The following MMP21 variants were observed in gnomAD, a reference collection of about 807,000 sequenced individuals.
The protein encoded by MMP21 is matrix metallopeptidase 21.
Under a neutral mutation model 47.8 loss-of-function variants are expected in MMP21, and 40 were observed. The observed-to-expected ratio is 0.84, with a 90% CI of 0.65 to 1.09. The LOEUF (loss-of-function observed/expected upper bound fraction) is 1.09, where lower values mean the gene tolerates loss of function less well. Among genes scored for constraint, MMP21 ranks in the 50% least tolerant of loss-of-function variants. The pLI, the probability that MMP21 is intolerant of heterozygous loss-of-function variation, is 0.00. For synonymous variants in MMP21, 341 were observed against 318.0 expected (o/e 1.07, Z -0.77); for missense variants, 747 against 775.3 (o/e 0.96, Z 0.43).
At chr10:125,769,227 A>G (rs1850418966) in intron 5 of MMP21, among the ~76,000 whole-genome samples, 2 of 152,332 alleles carry the variant, frequency 1.3e-5, no homozygotes, top group Middle Eastern at 3.4e-3. Flanking sequence ...GAGCAGCGGC[A>G]GTAAGAGTCC....
Position 125,774,218 on chromosome 10 carries a change from G to A in MMP21, c.310C>T (p.Leu104=). Residue 104 remains leucine, a synonymous_variant, in exon 2 of 7, where the codon CTG becomes TTG. Transcript: ENST00000368808. ...RANALPASGE[L]DAATLAAMNR... is the part of the protein sequence containing the mutation. ...ATGGCCGCTAGGGTGGCCGCGTCCA[G>A]CTCCCCGCTGGCCGGCAGCGCGTTC... is the stretch of plus-strand genomic sequence containing the variant. 7.2e-7 allele frequency: 1 copy of A among 1,382,948 alleles called. No individual in the cohort carries two copies. Among genetic ancestry groups the A allele is most frequent in the Non-Finnish European group, 9.3e-7 (1 of 1,071,124 alleles). The allele number at this position is 1,382,948 out of a possible 1,614,324, so 85.7% of individuals were successfully genotyped here.
intron 1 of MMP21, among the ~76,000 whole-genome samples, chr10:125,774,635 CG>C (rs964066087): frequency 3.3e-5 from 5 of 152,174 alleles, no homozygotes; most frequent in African/African-American, 1.2e-4. Flanking sequence ...TTCCTGAGTG[CG>C]GGCCCTGGAT....
At position 125,773,821 on chromosome 10, in the gene MMP21, G is replaced by C. The variant is rs28381286; in HGVS notation, c.697+10C>G. 5,878 of 1,506,440 alleles carry C rather than the reference G, an allele frequency of 3.9e-3. 13 individuals are homozygous for C. The highest frequency in any genetic ancestry group is 7.3e-3 in the Admixed American group (361 of 49,144). 93.3% of individuals were successfully genotyped at this position (1,506,440 alleles called of 1,614,324 possible). ...GGGTCGGGCAGGCAGGGAGCCCGGG[G>C]TGCTCTTACCTCTCCCAAAGCCCAG... On this transcript the variant is annotated intron_variant, in intron 2 of 6. Coordinates refer to ENST00000368808, the MANE Select transcript of MMP21 (RefSeq NM_147191.1). The surrounding 1 kb of genome is among the most constrained non-coding windows in gnomAD (Gnocchi z 4.8).
rs1181624679 is a variant in MMP21 at position 125,774,051 on chromosome 10, G to A, written c.477C>T (p.Pro159=). The A allele has an allele frequency of 1.4e-6, 2 of 1,463,292 alleles. No individual in the cohort carries two copies. The highest frequency in any genetic ancestry group is 1.8e-6 in the Non-Finnish European group (2 of 1,111,194). 90.6% of individuals were successfully genotyped at this position (1,463,292 alleles called of 1,614,324 possible). A position where few individuals can be genotyped will look rare whatever the true frequency, so the allele number is the denominator to read the frequency against. ...CAGCTCCGCCGTCGGGGTAGCCCCGGGGCTGCCAACCCCGCCGGGACAAGG... is the reference window on the plus strand; with the variant it reads ...CAGCTCCGCCGTCGGGGTAGCCCCGAGGCTGCCAACCCCGCCGGGACAAGG... The part of the protein sequence containing the change: ...PLSLSRRGWQ[P]RGYPDGGAAQ... Residue 159 remains proline (P), a synonymous_variant, in exon 2 of 7, where the codon CCC becomes CCT. Coordinates refer to ENST00000368808, the MANE Select transcript of MMP21 (RefSeq NM_147191.1).
chr10:125,770,600 A>G lies in MMP21; in HGVS notation c.980-9T>C, dbSNP rs758535896. 3 of 1,611,032 alleles carry G rather than the reference A, an allele frequency of 1.9e-6. No individual in the cohort carries two copies. The highest frequency in any genetic ancestry group is 1.3e-5 in the African/African-American group (1 of 74,838). On this transcript the variant is annotated splice_polypyrimidine_tract_variant and intron_variant, in intron 4 of 6. Transcript: ENST00000368808. ...TGATCCCTCACAGGAGCCTTAAAAA[A>G]ACAAACAAAAAACAGCCACTTGTCA... is the stretch of plus-strand genomic sequence containing the variant.
rs955264494 is a variant in MMP21 at position 125,773,771 on chromosome 10, G to C, written c.697+60C>G. On this transcript the variant is annotated intron_variant, in intron 2 of 6. Transcript: ENST00000368808. This position sits in a 1 kb window ranked among gnomAD's most constrained non-coding sequence, Gnocchi z 4.8. Reference sequence around the variant, plus strand: ...TCTGCAGGTGGCCGAGGTGGGGGTAGGTGCGCCGGGGTCCCCGAGGGGCTG... The same window carrying C: ...TCTGCAGGTGGCCGAGGTGGGGGTACGTGCGCCGGGGTCCCCGAGGGGCTG... The C allele has an allele frequency of 1.4e-6, 2 of 1,441,468 alleles. No individual in the cohort carries two copies. Among genetic ancestry groups the C allele is most frequent in the African/African-American group, 1.5e-5 (1 of 67,620 alleles). The allele number at this position is 1,441,468 out of a possible 1,614,324, so 89.3% of individuals were successfully genotyped here. A position where few individuals can be genotyped will look rare whatever the true frequency, so the allele number is the denominator to read the frequency against.
Position 125,773,723 on chromosome 10 carries a change from G to A in MMP21, c.697+108C>T. On this transcript the variant is annotated intron_variant, in intron 2 of 6. Coordinates refer to ENST00000368808, the MANE Select transcript of MMP21 (RefSeq NM_147191.1). The surrounding 1 kb of genome is among the most constrained non-coding windows in gnomAD (Gnocchi z 4.8). ...CCGCTGACAGGTGCCCCCGGGACAGGCCGGGAGGGCTTAGCCCCCCATTCT... is the reference window on the plus strand; with the variant it reads ...CCGCTGACAGGTGCCCCCGGGACAGACCGGGAGGGCTTAGCCCCCCATTCT... 1.5e-6 allele frequency: 2 copies of A among 1,369,454 alleles called. No homozygotes were observed. The highest frequency in any genetic ancestry group is 1.9e-6 in the Non-Finnish European group (2 of 1,055,764). 84.8% of individuals were successfully genotyped at this position (1,369,454 alleles called of 1,614,324 possible).
In MMP21 at chr10:125,770,544, C is replaced by G; in HGVS notation, c.1027G>C (p.Glu343Gln). ...FDTAFDWIRK[E>Q]RNQYGEVMVR... Reference sequence around the variant, plus strand: ...ATCACCTCTCCATATTGGTTTCTCTCTTTGCGAATCCAGTCAAACGCAGTA... The same window carrying G: ...ATCACCTCTCCATATTGGTTTCTCTGTTTGCGAATCCAGTCAAACGCAGTA... The change falls in exon 5 of 7, where the codon GAG becomes CAG. Residue 343 changes from glutamate to glutamine, a missense_variant. Physicochemically the swap from Glu to Gln is conservative, Grantham distance 29. Coordinates refer to ENST00000368808, the MANE Select transcript of MMP21 (RefSeq NM_147191.1). 1.2e-6 allele frequency: 2 copies of G among 1,614,134 alleles called. No homozygotes were observed. The highest frequency in any genetic ancestry group is 2.2e-5 in the East Asian group (1 of 44,878).
chr10:125,767,639 T>C lies in MMP21; in HGVS notation c.1303A>G (p.Ser435Gly). ...CCTTCTGAAATCAATTTGGGATAGC[T>C]TTTTCCTTGTTCATCTTCTGTGAGG... is the stretch of plus-strand genomic sequence containing the variant. The part of the protein sequence containing the change: ...QALTEDEQGK[S>G]YPKLISEGFP... The change falls in exon 6 of 7, where the codon AGC (serine) becomes GGC (glycine). Residue 435 changes from serine (S) to glycine (G), a missense_variant. Transcript: ENST00000368808. 3 of 1,614,136 alleles carry C rather than the reference T, an allele frequency of 1.9e-6. No individual in the cohort carries two copies. Among genetic ancestry groups the C allele is most frequent in the Non-Finnish European group, 2.5e-6 (3 of 1,179,982 alleles).
rs1432689875 is a variant in MMP21 at position 125,774,260 on chromosome 10, G to C, written c.268C>G (p.Arg90Gly). 1 of 1,420,222 alleles carries C rather than the reference G, an allele frequency of 7.0e-7. No homozygotes were observed. The highest frequency in any genetic ancestry group is 9.2e-7 in the Non-Finnish European group (1 of 1,092,130). The allele number at this position is 1,420,222 out of a possible 1,614,324, so 88.0% of individuals were successfully genotyped here. Residue 90 changes from arginine to glycine, a missense_variant, in exon 2 of 7, where the codon CGC (arginine) becomes GGC (glycine). Coordinates refer to ENST00000368808, the MANE Select transcript of MMP21 (RefSeq NM_147191.1). ...PKGAALAEAV[R>G]RFQRANALPA... is the part of the protein sequence containing the mutation. ...AGCGCGTTCGCCCGCTGGAACCTGC[G>C]CACCGCCTCGGCCAGGGCGGCGCCC...
chr10:125,770,586 A>G lies in MMP21; in HGVS notation c.985T>C (p.Cys329Arg), dbSNP rs2133782156. 1.2e-6 allele frequency: 2 copies of G among 1,612,382 alleles called. No homozygotes were observed. Among genetic ancestry groups the G allele is most frequent in the East Asian group, 2.2e-5 (1 of 44,870 alleles). The change falls in exon 5 of 7, where the codon TGT becomes CGT. Residue 329 changes from cysteine (C) to arginine (R), a missense_variant. Physicochemically the swap from Cys to Arg is radical, Grantham distance 180. Coordinates refer to ENST00000368808, the MANE Select transcript of MMP21 (RefSeq NM_147191.1). ...RKAIQKLYGSCEGSFDTAFDW... is the reference protein window; with the variant it reads ...RKAIQKLYGSREGSFDTAFDW... ...AACGCAGTATCAAATGATCCCTCAC[A>G]GGAGCCTTAAAAAAACAAACAAAAA...
rs749441754 is a variant in MMP21 at position 125,770,390 on chromosome 10, A to G, written c.1181T>C (p.Ile394Thr). The change falls in exon 5 of 7, where the codon ATA becomes ACA. Residue 394 changes from isoleucine (I) to threonine (T), a missense_variant. By Grantham distance (89) the Ile-to-Thr change is moderately conservative. Transcript: ENST00000368808. ...TGWPGIPTHN[I>T]DAFVHIWTWK... Reference sequence around the variant, plus strand: ...TGTCCAGATGTGAACAAAGGCATCTATGTTGTGTGTTGGGATTCCAGGCCA... The same window carrying G: ...TGTCCAGATGTGAACAAAGGCATCTGTGTTGTGTGTTGGGATTCCAGGCCA... 6 of 1,614,120 alleles carry G rather than the reference A, an allele frequency of 3.7e-6. 1 individual carries two copies. The South Asian group carries it at 4.4e-5, about 12-fold the overall frequency.
At chr10:125,775,410 T>C (rs1850505611) in intron 1 of MMP21, among the ~76,000 whole-genome samples, 1 of 152,216 alleles carries the variant, frequency 6.6e-6, no homozygotes, top group South Asian at 2.1e-4. Context: ...TTTGAGTCTG[T>C]TGTCTGCGCA....
intron 4 of MMP21, among the ~76,000 whole-genome samples, chr10:125,771,935 G>A (rs1270104511): frequency 6.6e-6 from 1 of 152,008 alleles, no homozygotes; most frequent in African/African-American, 2.4e-5. Flanking sequence ...ACGGGTTGGG[G>A]GCCCGCTTGT....
chr10:125,767,664 G>A lies in MMP21; in HGVS notation c.1278C>T (p.Ala426=), dbSNP rs765471777. Residue 426 remains alanine (A), a synonymous_variant, in exon 6 of 7, where the codon GCC becomes GCT. Coordinates refer to ENST00000368808, the MANE Select transcript of MMP21 (RefSeq NM_147191.1). The stretch of plus-strand genomic sequence containing the variant: ...TTTTTCCTTGTTCATCTTCTGTGAG[G>A]GCCTGATCCTTGTCACTGTCATATC... The part of the protein sequence containing the change: ...YWRYDSDKDQ[A]LTEDEQGKSY... 91 of 1,613,912 alleles carry A rather than the reference G, an allele frequency of 5.6e-5. No homozygotes were observed. The highest frequency in any genetic ancestry group is 2.1e-4 in the South Asian group (19 of 91,076).
chr10:125,769,213 T>C (rs981371828), intron 5 of MMP21, among the ~76,000 whole-genome samples: 1 of 152,140 alleles, frequency 6.6e-6, no homozygotes. Flanking sequence ...CGGGTGTGAA[T>C]AAGGAGCAGC....
chr10:125,770,319 A>C lies in MMP21; in HGVS notation c.1237+15T>G, dbSNP rs1210025773. 4 of 1,613,570 alleles carry C rather than the reference A, an allele frequency of 2.5e-6. No individual in the cohort carries two copies. Among genetic ancestry groups the C allele is most frequent in the Non-Finnish European group, 1.7e-6 (2 of 1,179,658 alleles). ...TTTAATGAGAGAAATAGAACCATCC[A>C]TGAAGAATCTGTACCTTGAAAAAAA... On this transcript the variant is annotated intron_variant, in intron 5 of 6. Transcript: ENST00000368808.
Position 125,774,000 on chromosome 10 carries a change from C to T in MMP21, c.528G>A (p.Leu176=). Residue 176 remains leucine (L), a synonymous_variant, in exon 2 of 7, where the codon CTG becomes CTA. Transcript: ENST00000368808. The surrounding 1 kb of genome is among the most constrained non-coding windows in gnomAD (Gnocchi z 4.8). ...GGGCCTCGCCCAGCAGCCGCCAGCT[C>T]AGCGTCCTCTTGGAGAAGGCCTGGG... ...GAAQAFSKRT[L]SWRLLGEALS... is the part of the protein sequence containing the mutation. The T allele has an allele frequency of 1.3e-6, 2 of 1,553,334 alleles. No individual in the cohort carries two copies. Among genetic ancestry groups the T allele is most frequent in the South Asian group, 2.3e-5 (2 of 86,010 alleles).
At position 125,774,068 on chromosome 10, in the gene MMP21, G is replaced by C; in HGVS notation, c.460C>G (p.Arg154Gly). The change falls in exon 2 of 7, where the codon CGG becomes GGG. Residue 154 changes from arginine (R) to glycine (G), a missense_variant. Physicochemically the swap from Arg to Gly is moderately radical, Grantham distance 125. Coordinates refer to ENST00000368808, the MANE Select transcript of MMP21 (RefSeq NM_147191.1). ...RSPRAPLSLS[R>G]RGWQPRGYPD... The stretch of plus-strand genomic sequence containing the variant: ...TAGCCCCGGGGCTGCCAACCCCGCC[G>C]GGACAAGGACAGCGGCGCCCGCGGG... 1 of 1,444,082 alleles carries C rather than the reference G, an allele frequency of 6.9e-7. No individual in the cohort carries two copies. Among genetic ancestry groups the C allele is most frequent in the Non-Finnish European group, 9.1e-7 (1 of 1,101,804 alleles). The allele number at this position is 1,444,082 out of a possible 1,614,324, so 89.5% of individuals were successfully genotyped here. A position where few individuals can be genotyped will look rare whatever the true frequency, so the allele number is the denominator to read the frequency against.
Sources: gnomAD v4.1 joint callset for allele counts (sites outside exome capture counted in the v4.1 genomes callset) on GRCh38, gnomAD v4.1.1 for gene constraint, Gnocchi (gnomAD v3.1) non-coding constraint, MANE v1.5 for transcripts, NCBI Gene and HGNC (gene_info 2026-07-23, HGNC 2026-07-21) for gene names.